NRXN1: variants seen among roughly 807,000 people sequenced by gnomAD.
NRXN1 encodes the protein neurexin 1.
Under a neutral mutation model 150.9 loss-of-function variants are expected in NRXN1, and 39 were observed. The ratio of observed to expected loss-of-function variants is 0.26; its 90% CI spans 0.20 to 0.34. The LOEUF (loss-of-function observed/expected upper bound fraction) is 0.34. NRXN1 is among the 10% of genes least tolerant of loss of function. The pLI is 1.00. For missense variants in NRXN1, 1,815 were observed against 1,949.9 expected (o/e 0.93, Z 1.30); for synonymous variants, 924 against 757.0 (o/e 1.22, Z -3.62).
intron 2 of NRXN1, among the ~76,000 whole-genome samples, chr2:50,950,311 T>C (rs1378314300): frequency 6.6e-6 from 1 of 152,098 alleles, no homozygotes; most frequent in Non-Finnish European, 1.5e-5. Flanking sequence ...AAAGAAAAGA[T>C]AAAAACATAC....
intron 2 of NRXN1, among the ~76,000 whole-genome samples, chr2:51,017,539 T>C (rs867285941): frequency 2.0e-5 from 2 of 98,252 alleles, no homozygotes; most frequent in East Asian, 3.1e-4. Flanking sequence ...TTTTTTTTTT[T>C]AGAAATGAGG....
In NRXN1 at chr2:50,256,292, A is replaced by G. The variant is rs144101080; in HGVS notation, c.3365-19322T>C. On this transcript the variant is annotated intron_variant, in intron 17 of 22. Coordinates refer to ENST00000401669, the MANE Select transcript of NRXN1 (RefSeq NM_001330078.2). ...CACAGACCATGTACCAAACGTTTTT[A>G]CCCATTAAACATATTTAGCATTAGA... Among the ~76,000 whole-genome samples the G allele has an allele frequency of 3.1e-3, 475 of 152,280 alleles. 2 individuals are homozygous for G. Among genetic ancestry groups the G allele is most frequent in the African/African-American group, 0.011 (440 of 41,576 alleles).
chr2:50,847,681 G>C (rs1341481439), intron 5 of NRXN1, among the ~76,000 whole-genome samples: 1 of 152,158 alleles, frequency 6.6e-6, no homozygotes, highest in East Asian at 1.9e-4. Flanking sequence ...AGCAGAAGAC[G>C]ACACAAGCTG....
At chr2:50,565,775 C>T (rs1278551506) in intron 8 of NRXN1, among the ~76,000 whole-genome samples, 3 of 152,086 alleles carry the variant, frequency 2.0e-5, no homozygotes, top group Non-Finnish European at 4.4e-5. Context: ...GAATAAAAGC[C>T]ATTTGCAGTC....
At chr2:50,514,490 C>T (rs1320270421) in intron 12 of NRXN1, among the ~76,000 whole-genome samples, 1 of 152,144 alleles carries the variant, frequency 6.6e-6, no homozygotes, top group Non-Finnish European at 1.5e-5. Context: ...ATACCGATCT[C>T]AGCATTGGGA....
intron 21 of NRXN1, among the ~76,000 whole-genome samples, chr2:49,946,449 C>A (rs180945541): frequency 9.3e-4 from 142 of 152,216 alleles, no homozygotes; most frequent in African/African-American, 3.2e-3. Context: ...GTCATCAAGT[C>A]TTTGCCCATG....
At chr2:50,009,819 T>C (rs1048493321) in intron 21 of NRXN1, among the ~76,000 whole-genome samples, 1 of 152,138 alleles carries the variant, frequency 6.6e-6, no homozygotes. Flanking sequence ...TCTATTTAAA[T>C]GTTTTTCTGC....
At chr2:50,640,959 TAAAGAC>T (rs2104477832) in intron 5 of NRXN1, among the ~76,000 whole-genome samples, 1 of 152,132 alleles carries the variant, frequency 6.6e-6, no homozygotes, top group African/African-American at 2.4e-5. Flanking sequence ...GATAAAGAAA[TAAAGAC>T]AAAGAACAAG....
chr2:49,942,980 G>A (rs746967485), intron 22 of NRXN1, among the ~76,000 whole-genome samples: 1 of 152,150 alleles, frequency 6.6e-6, no homozygotes. Context: ...TAATGGAAAT[G>A]AGCCTAACAC....
At chr2:50,759,350 G>A (rs1701529311) in intron 5 of NRXN1, among the ~76,000 whole-genome samples, 1 of 151,840 alleles carries the variant, frequency 6.6e-6, no homozygotes, top group Admixed American at 6.6e-5. Flanking sequence ...CCACAACTCG[G>A]AAATATGTTC....
rs543318929 is a variant in NRXN1, at chr2:50,601,872, A to T, written c.1320+18150T>A. On this transcript the variant is annotated intron_variant, in intron 8 of 22. Transcript: ENST00000401669. ...GGTAATTCTGTTTCATGGGTTAGTC[A>T]GACACAAACCGGTGTTATCACACAG... is the stretch of plus-strand genomic sequence containing the variant. Among the ~76,000 whole-genome samples the T allele has an allele frequency of 2.0e-5, 3 of 152,310 alleles. No homozygotes were observed. In the Middle Eastern group the frequency reaches 0.01, roughly 518 times the overall value.
chr2:50,762,158 T>A (rs1026027829), intron 5 of NRXN1, among the ~76,000 whole-genome samples: 1 of 150,214 alleles, frequency 6.7e-6, no homozygotes, highest in Non-Finnish European at 1.5e-5. Flanking sequence ...CACACATCTA[T>A]CCTATTAGTC....
chr2:50,248,195 C>T (rs1184162382), intron 17 of NRXN1, among the ~76,000 whole-genome samples: 1 of 151,910 alleles, frequency 6.6e-6, no homozygotes, highest in Non-Finnish European at 1.5e-5. Context: ...TTAATATTTT[C>T]TTAGAGATAA....
intron 5 of NRXN1, among the ~76,000 whole-genome samples, chr2:50,785,912 C>T (rs1705052179): frequency 6.6e-6 from 1 of 152,030 alleles, no homozygotes; most frequent in Non-Finnish European, 1.5e-5. Context: ...TTCCTGAAGT[C>T]TGTGTGGTAG....
chr2:50,298,800 T>A (rs1237646126), intron 17 of NRXN1, among the ~76,000 whole-genome samples: 1 of 152,220 alleles, frequency 6.6e-6, no homozygotes, highest in Non-Finnish European at 1.5e-5. Flanking sequence ...TCTGTGGATA[T>A]ATTCCTTGCC....
At position 49,942,245 on chromosome 2, in the gene NRXN1, C is replaced by T. The variant is rs531199154; in HGVS notation, c.4216+1459G>A. On this transcript the variant is annotated intron_variant, in intron 22 of 22. Coordinates refer to ENST00000401669, the MANE Select transcript of NRXN1 (RefSeq NM_001330078.2). Reference sequence around the variant, plus strand: ...ACTGTGGAGCCAAGAGGAAAGAGGACCAGAGCATACCCAGCCTGGTCTCCC... The same window carrying T: ...ACTGTGGAGCCAAGAGGAAAGAGGATCAGAGCATACCCAGCCTGGTCTCCC... Among the ~76,000 whole-genome samples, 16 of 152,104 alleles carry T rather than the reference C, an allele frequency of 1.1e-4. No homozygotes were observed. In the South Asian group the frequency reaches 3.3e-3, roughly 32 times the overall value.
At chr2:50,726,457 G>C (rs977644451) in intron 5 of NRXN1, among the ~76,000 whole-genome samples, 4 of 152,170 alleles carry the variant, frequency 2.6e-5, no homozygotes, top group African/African-American at 9.7e-5. Context: ...GATTAAATGA[G>C]ATAATAATGA....
intron 18 of NRXN1, among the ~76,000 whole-genome samples, chr2:50,212,661 C>T (rs1006062789): frequency 6.6e-6 from 1 of 151,714 alleles, no homozygotes; most frequent in Non-Finnish European, 1.5e-5. Flanking sequence ...GTGAACGAGG[C>T]AGAGGAGGAG....
At chr2:50,212,276 GA>G (rs1302393665) in intron 18 of NRXN1, among the ~76,000 whole-genome samples, 4 of 120,426 alleles carry the variant, frequency 3.3e-5, no homozygotes, top group African/African-American at 9.5e-5. Context: ...TCATGGTAGT[GA>G]AAAAAATATG....
Sources: allele counts gnomAD v4.1 joint callset (sites outside exome capture counted in the v4.1 genomes callset), GRCh38; gene constraint gnomAD v4.1.1; transcripts MANE v1.5; gene names NCBI Gene and HGNC (gene_info 2026-07-23, HGNC 2026-07-21).